Variants in CENPE observed in about 807,000 individuals in gnomAD.
CENPE encodes the protein centromere protein E.
A neutral mutation model predicts 336.1 loss-of-function variants in CENPE; 145 were observed. That is an observed-to-expected ratio of 0.43 (90% CI 0.38 to 0.50). CENPE has a LOEUF of 0.50. Among genes scored for constraint, CENPE ranks in the 20% least tolerant of loss-of-function variants. The pLI is 0.00. For synonymous variants in CENPE, 1,013 were observed against 984.8 expected (o/e 1.03, Z -0.54); for missense variants, 2,719 against 3,023.3 (o/e 0.90, Z 2.36).
chr4:103,163,558 A>T lies in CENPE; in HGVS notation c.1648-5T>A. The T allele has an allele frequency of 6.5e-7, 1 of 1,547,658 alleles. No homozygotes were observed. Among genetic ancestry groups the T allele is most frequent in the Non-Finnish European group, 8.8e-7 (1 of 1,134,462 alleles). The stretch of plus-strand genomic sequence containing the variant: ...AATTTCATGAATTAGTTGCATCTGT[A>T]AGAGCATGTGAACAGGTAACAGAGC... On this transcript the variant is annotated splice_region_variant and splice_polypyrimidine_tract_variant and intron_variant, in intron 16 of 48. Transcript: ENST00000265148.
intron 29 of CENPE, among the ~76,000 whole-genome samples, chr4:103,146,924 T>G (rs1753103296): frequency 6.6e-6 from 1 of 152,054 alleles, no homozygotes; most frequent in Non-Finnish European, 1.5e-5. Context: ...TCAATAAGAT[T>G]TGGTGACTGG....
chr4:103,139,963 G>A lies in CENPE; in HGVS notation c.6030C>T (p.Asn2010=). The A allele has an allele frequency of 6.2e-7, 1 of 1,613,338 alleles. No homozygotes were observed. The highest frequency in any genetic ancestry group is 8.5e-7 in the Non-Finnish European group (1 of 1,179,634). The change falls in exon 38 of 49, where the codon AAC becomes AAT. Residue 2010 remains asparagine, a synonymous_variant. Transcript: ENST00000265148. ...CCATTCTCACACTTTGCATAGATAA[G>A]TTTTGGGCCTCAAATTGCTTCTTCA... ...EQLKKQFEAQ[N]LSMQSVRMDN...
At chr4:103,159,817 T>A (rs1754286715) in intron 21 of CENPE, among the ~76,000 whole-genome samples, 1 of 151,854 alleles carries the variant, frequency 6.6e-6, no homozygotes, top group Non-Finnish European at 1.5e-5. Context: ...GAAGTACCAC[T>A]TAAGTAATAT....
chr4:103,176,993 C>A lies in CENPE; in HGVS notation c.1296G>T (p.Lys432Asn), dbSNP rs760054720. The A allele has an allele frequency of 1.2e-6, 2 of 1,607,874 alleles. No homozygotes were observed. The highest frequency in any genetic ancestry group is 1.7e-6 in the Non-Finnish European group (2 of 1,177,672). The change falls in exon 14 of 49, where the codon AAG becomes AAT. Residue 432 changes from lysine to asparagine, a missense_variant. By Grantham distance (94) the Lys-to-Asn change is moderately conservative (BLOSUM62 0). This residue lies in a region of CENPE where 2,437 missense variants were observed against 2,513.3 expected (regional missense o/e 0.97). Coordinates refer to ENST00000265148, the MANE Select transcript of CENPE (RefSeq NM_001813.3). Reference sequence around the variant, plus strand: ...TAAATTGATCTGCATAGTTTGAGTTCTTCATTTTGTTAATTTTGCCAAGGC... The same window carrying A: ...TAAATTGATCTGCATAGTTTGAGTTATTCATTTTGTTAATTTTGCCAAGGC... ...TWCLGKINKM[K>N]NSNYADQFNI...
chr4:103,132,097 G>A (rs548777230), intron 42 of CENPE, among the ~76,000 whole-genome samples: 4 of 152,154 alleles, frequency 2.6e-5, no homozygotes, highest in East Asian at 1.9e-4. Flanking sequence ...TGTAAGCTAC[G>A]GACTCTCTTG....
chr4:103,187,504 A>G (rs1047733401), intron 8 of CENPE, among the ~76,000 whole-genome samples: 2 of 152,212 alleles, frequency 1.3e-5, no homozygotes, highest in Non-Finnish European at 2.9e-5. Context: ...CAACATTCTT[A>G]AAGAAAAGAA....
In CENPE at chr4:103,174,748, T is replaced by C; in HGVS notation, c.1635A>G (p.Lys545=). 1 of 1,524,922 alleles carries C rather than the reference T, an allele frequency of 6.6e-7. No individual in the cohort carries two copies. The highest frequency in any genetic ancestry group is 8.8e-7 in the Non-Finnish European group (1 of 1,138,808). The allele number at this position is 1,524,922 out of a possible 1,614,324, so 94.5% of individuals were successfully genotyped here. ...DEFEALERKT[K]KDQEMQLIHE... ...CTGTCTCTCTTACCTCTTGATCTTT[T>C]TTAGTTTTTCTTTCTAGAGCCTCAA... The change falls in exon 16 of 49, where the codon AAA becomes AAG. Residue 545 remains lysine, a synonymous_variant. Coordinates refer to ENST00000265148, the MANE Select transcript of CENPE (RefSeq NM_001813.3).
At chr4:103,136,798 C>T (rs1162160539) in intron 39 of CENPE, among the ~76,000 whole-genome samples, 1 of 152,094 alleles carries the variant, frequency 6.6e-6, no homozygotes, top group African/African-American at 2.4e-5. Flanking sequence ...ATCAAACCAC[C>T]TATTTGTCAG....
At position 103,149,183 on chromosome 4, in the gene CENPE, A is replaced by C. The variant is rs1371672276; in HGVS notation, c.3622T>G (p.Leu1208Val). 6 of 1,610,772 alleles carry C rather than the reference A, an allele frequency of 3.7e-6. No individual in the cohort carries two copies. The highest frequency in any genetic ancestry group is 5.1e-6 in the Non-Finnish European group (6 of 1,179,510). The change falls in exon 27 of 49, where the codon TTA becomes GTA. Residue 1208 changes from leucine (L) to valine (V), a missense_variant. Transcript: ENST00000265148. ...ITKERKVLKE[L>V]QKSFETERDH... ...CTCTCTGTTTCAAATGACTTCTGTA[A>C]TTCCTTTAGAACTTTTCTTTCTTTG...
rs912657532 is a variant in CENPE at position 103,176,926 on chromosome 4, T to G, written c.1363A>C (p.Ile455Leu). The stretch of plus-strand genomic sequence containing the variant: ...TCATCAATTTCTCGTAATAAATTTA[T>G]AGAAAGCTTATGTGTTTTTGTTGTT... ...NITTKTHKLS[I>L]NLLREIDESV... The change falls in exon 14 of 49, where the codon ATA becomes CTA. Residue 455 changes from isoleucine (I) to leucine (L), a missense_variant. Transcript: ENST00000265148. 1.9e-6 allele frequency: 3 copies of G among 1,589,724 alleles called. No homozygotes were observed. Among genetic ancestry groups the G allele is most frequent in the Non-Finnish European group, 2.6e-6 (3 of 1,168,196 alleles).
At position 103,159,136 on chromosome 4, in the gene CENPE, A is replaced by G. The variant is rs369528103; in HGVS notation, c.2475T>C (p.Leu825=). The change falls in exon 22 of 49, where the codon CTT becomes CTC. Residue 825 remains leucine, a synonymous_variant. Coordinates refer to ENST00000265148, the MANE Select transcript of CENPE (RefSeq NM_001813.3). ...TATACTTTTGCTCAAAGTCCATATG[A>G]AGGGTTTTGAAATTTTGGAATTCTT... ...TDQEFQNFKT[L]HMDFEQKYKM... The G allele has an allele frequency of 2.5e-6, 4 of 1,609,380 alleles. No homozygotes were observed. Among genetic ancestry groups the G allele is most frequent in the Non-Finnish European group, 3.4e-6 (4 of 1,178,308 alleles).
chr4:103,166,154 C>T (rs1050528446), intron 16 of CENPE, among the ~76,000 whole-genome samples: 1 of 152,110 alleles, frequency 6.6e-6, no homozygotes, highest in African/African-American at 2.4e-5. Context: ...ATATAAAAAA[C>T]ATACAAAAAT....
chr4:103,147,293 A>AC (rs1378974756), intron 29 of CENPE, 63 bp downstream of exon 29: 4 of 1,378,562 alleles, frequency 2.9e-6, no homozygotes, highest in Admixed American at 2.2e-5. Flanking sequence ...TAACTATAAC[A>AC]CAAACACAAG....
At chr4:103,191,209 C>G (rs530567875) in intron 8 of CENPE, among the ~76,000 whole-genome samples, 1 of 152,172 alleles carries the variant, frequency 6.6e-6, no homozygotes, top group African/African-American at 2.4e-5. Flanking sequence ...GGACTGTAAA[C>G]TACTTCAGCC....
At chr4:103,173,419 T>C (rs1578658206) in intron 16 of CENPE, among the ~76,000 whole-genome samples, 1 of 151,928 alleles carries the variant, frequency 6.6e-6, no homozygotes, top group African/African-American at 2.4e-5. Flanking sequence ...GAAAACAAGA[T>C]AGTGGAAATG....
At chr4:103,113,884 C>G (rs959501600) in intron 46 of CENPE, among the ~76,000 whole-genome samples, 1 of 151,666 alleles carries the variant, frequency 6.6e-6, no homozygotes, top group African/African-American at 2.4e-5. Flanking sequence ...AGCATTCTTT[C>G]TTTTCAAATG....
intron 21 of CENPE, among the ~76,000 whole-genome samples, chr4:103,160,087 T>C (rs988439100): frequency 6.6e-5 from 10 of 151,952 alleles, no homozygotes; most frequent in African/African-American, 2.4e-4. Flanking sequence ...AATGAAATAA[T>C]GTTTTTGAAG....
At chr4:103,141,156 A>G (rs1752525222) in intron 35 of CENPE, 52 bp from the exon 36 acceptor site, 1 of 1,055,972 alleles carries the variant, frequency 9.5e-7, no homozygotes, top group South Asian at 1.7e-5. Flanking sequence ...GGACAGATAA[A>G]TAATAGTTTC....
At chr4:103,163,297 T>G in intron 17 of CENPE, 41 bp from the exon 18 acceptor site, 5 of 1,568,162 alleles carry the variant, frequency 3.2e-6, no homozygotes, top group Non-Finnish European at 4.3e-6. Context: ...TAGAATCTGA[T>G]TTGAAGTCTA....
Sources: allele counts gnomAD v4.1 joint callset (sites outside exome capture counted in the v4.1 genomes callset), GRCh38; gene constraint gnomAD v4.1.1; regional missense constraint gnomAD v4.1.1; transcripts MANE v1.5; gene names NCBI Gene and HGNC (gene_info 2026-07-23, HGNC 2026-07-21).